Variants in GTPBP6 observed in about 807,000 individuals in gnomAD.
GTPBP6 encodes the protein putative GTP-binding protein 6.
A neutral mutation model predicts 28.9 loss-of-function variants in GTPBP6; 33 were observed. The observed-to-expected ratio is 1.14, with a 90% CI of 0.87 to 1.53. GTPBP6 has a LOEUF of 1.53. GTPBP6 is among the 40% of genes most tolerant of loss of function. The probability of loss-of-function intolerance (pLI) is 0.00; values close to 1 mark genes in which losing one functional copy is unlikely to be tolerated. For missense variants in GTPBP6, 507 were observed against 408.3 expected (o/e 1.24, Z -2.08); for synonymous variants, 231 against 192.7 (o/e 1.20, Z -1.65).
chrX:307,879 T>C (rs374681339), exon 8 of GTPBP6: 21 of 1,518,508 alleles, frequency 1.4e-5, no homozygotes, highest in Non-Finnish European at 1.5e-5. Context: ...CAAGATGAGA[T>C]CCTGTGGGCC....
At chrX:315,622 CAGACAG>C (rs2070418895) in intron 2 of GTPBP6, among the ~76,000 whole-genome samples, 4 of 23,364 alleles carry the variant, frequency 1.7e-4, no homozygotes, top group Non-Finnish European at 4.7e-4. Context: ...CACAGACACA[CAGACAG>C]ACACACAGAG....
chrX:317,966 C>A (rs2070471756), intron 1 of GTPBP6, among the ~76,000 whole-genome samples: 1 of 137,770 alleles, frequency 7.3e-6, no homozygotes, highest in South Asian at 2.5e-4. Flanking sequence ...CATCACCATC[C>A]ATAAGCTCTT....
intron 9 of GTPBP6, among the ~76,000 whole-genome samples, chrX:305,720 G>T (rs1333327051): frequency 6.7e-6 from 1 of 149,276 alleles, no homozygotes; most frequent in African/African-American, 2.5e-5. Flanking sequence ...GGCCTCCTGG[G>T]TTCCAGCAAT....
At chrX:311,870 C>T (rs1039869302) in intron 6 of GTPBP6, 19 of 606,070 alleles carry the variant, frequency 3.1e-5, no homozygotes, top group Non-Finnish European at 5.0e-5. Flanking sequence ...GTGGTGTGGA[C>T]GGGTGTGCGT....
At chrX:314,648 T>A (rs2070394338) in intron 4 of GTPBP6, among the ~76,000 whole-genome samples, 1 of 152,038 alleles carries the variant, frequency 6.6e-6, no homozygotes, top group Non-Finnish European at 1.5e-5. Flanking sequence ...AATTTTTTTC[T>A]TGTATTTTTA....
At chrX:310,109 G>A (rs1219615099) in intron 7 of GTPBP6, among the ~76,000 whole-genome samples, 5 of 123,798 alleles carry the variant, frequency 4.0e-5, no homozygotes, top group African/African-American at 1.3e-4. Flanking sequence ...CTGAACTGTG[G>A]CCCCCCACAA....
At chrX:312,061 G>A in intron 6 of GTPBP6, 1 of 455,596 alleles carries the variant, frequency 2.2e-6, no homozygotes, top group Non-Finnish European at 4.3e-6. Context: ...ACAGAAGGAT[G>A]GTGTAGACAG....
chrX:309,962 G>GT (rs1328958301), intron 7 of GTPBP6, among the ~76,000 whole-genome samples: 3 of 143,036 alleles, frequency 2.1e-5, no homozygotes, highest in Admixed American at 6.8e-5. Flanking sequence ...ACACAGAGAA[G>GT]AAGGCCACAG....
At chrX:305,783 C>T (rs1180902831) in intron 9 of GTPBP6, among the ~76,000 whole-genome samples, 4 of 151,126 alleles carry the variant, frequency 2.6e-5, no homozygotes, top group African/African-American at 7.4e-5. Context: ...CGCCACTGCG[C>T]CCGGCTAATT....
rs777844142 is a variant in GTPBP6 at position 313,775 on chromosome X, G to A, written c.757+375C>T. On this transcript the variant is annotated intron_variant, in intron 5 of 9. Coordinates refer to ENST00000326153, the Ensembl canonical transcript of GTPBP6. ...GATGCCTGGAGCCCCCAGGAGCTGGGAGAGGCAGAAGGAGCCCCTGGAGGG... is the reference window on the plus strand; with the variant it reads ...GATGCCTGGAGCCCCCAGGAGCTGGAAGAGGCAGAAGGAGCCCCTGGAGGG... Among the ~76,000 whole-genome samples the A allele has an allele frequency of 7.2e-5, 11 of 152,292 alleles. No individual in the cohort carries two copies. The East Asian group carries it at 7.7e-4, about 11-fold the overall frequency.
At chrX:314,684 G>A (rs1771665744) in intron 4 of GTPBP6, among the ~76,000 whole-genome samples, 1 of 152,008 alleles carries the variant, frequency 6.6e-6, no homozygotes, top group South Asian at 2.1e-4. Flanking sequence ...CACCGTGTTG[G>A]CCAGGATGGT....
At chrX:318,531 C>T in exon 1 of GTPBP6, 1 of 398,568 alleles carries the variant, frequency 2.5e-6, no homozygotes, top group Non-Finnish European at 4.4e-6. Flanking sequence ...AGGCTCTCCC[C>T]GCAGCAGCTC....
At chrX:315,269 C>T (rs1174958917) in exon 3 of GTPBP6, 6 of 398,440 alleles carry the variant, frequency 1.5e-5, no homozygotes, top group East Asian at 3.6e-5. Context: ...CAGGAAGACG[C>T]ACGTGATGTC....
chrX:312,964 G>A lies in GTPBP6; in HGVS notation c.758-40C>T, dbSNP rs779026503. 4.2e-4 allele frequency: 666 copies of A among 1,578,660 alleles called. 1 individual carries two copies. The highest frequency in any genetic ancestry group is 6.6e-4 in the Middle Eastern group (3 of 4,522). ...AGATGGTGAGGCGGTGAGCCACGCC[G>A]GGAAAGGCACAAGTGCGGGCGGTGC... On this transcript the variant is annotated intron_variant, in intron 5 of 9. Coordinates refer to ENST00000326153, the Ensembl canonical transcript of GTPBP6.
rs763407893 is a variant in GTPBP6, at chrX:307,660, G to A, written c.1274+72C>T. 2.1e-4 allele frequency: 294 copies of A among 1,432,388 alleles called. 1 individual carries two copies. In the South Asian group the frequency reaches 3.4e-3, roughly 16 times the overall value. The allele number at this position is 1,432,388 out of a possible 1,614,324, so 88.7% of individuals were successfully genotyped here. A position where few individuals can be genotyped will look rare whatever the true frequency, so the allele number is the denominator to read the frequency against. On this transcript the variant is annotated intron_variant, in intron 8 of 9. Coordinates refer to ENST00000326153, the Ensembl canonical transcript of GTPBP6. ...ACCGCTGCGGTTCACACGAGGAGAC[G>A]GGGCATCTCCCCACCCGGCTCCAGC...
At chrX:311,834 G>A in intron 6 of GTPBP6, 2 of 608,808 alleles carry the variant, frequency 3.3e-6, no homozygotes, top group East Asian at 5.5e-5. Flanking sequence ...ATGGAGCGGG[G>A]CCGCCGTGCG....
At chrX:314,697 C>G (rs7191247) in intron 4 of GTPBP6, among the ~76,000 whole-genome samples, 193 bp downstream of exon 4, 171 of 151,978 alleles carry the variant, frequency 1.1e-3, no homozygotes, top group African/African-American at 3.9e-3. Context: ...AGGATGGTCT[C>G]GATCTCGTGA....
chrX:314,302 G>T, intron 4 of GTPBP6, 85 bp from the exon 5 acceptor site: 1 of 1,133,924 alleles, frequency 8.8e-7, no homozygotes, highest in Non-Finnish European at 1.3e-6. Flanking sequence ...AGGGGGCACT[G>T]AGCTGGGCCT....
intron 7 of GTPBP6, among the ~76,000 whole-genome samples, chrX:308,114 G>A (rs1285655714): frequency 6.6e-6 from 1 of 152,006 alleles, no homozygotes; most frequent in African/African-American, 2.4e-5. Flanking sequence ...CAGCAGCTCC[G>A]CACCCCCAGA....
Sources: gnomAD v4.1 joint callset for allele counts (sites outside exome capture counted in the v4.1 genomes callset) on GRCh38, gnomAD v4.1.1 for gene constraint, MANE v1.5 for transcripts, NCBI Gene and HGNC (gene_info 2026-07-23, HGNC 2026-07-21) for gene names.